CSPG4: variants seen among roughly 807,000 people sequenced by gnomAD.
CSPG4 encodes chondroitin sulfate proteoglycan 4 (melanoma-associated).
In CSPG4, 74 loss-of-function variants were observed where a neutral mutation model predicts 139.3. That is an observed-to-expected ratio of 0.53 (90% confidence interval 0.44 to 0.64). The LOEUF (loss-of-function observed/expected upper bound fraction) is 0.64. Among genes scored for constraint, CSPG4 ranks in the 30% least tolerant of loss-of-function variants. The pLI is 0.00. For missense variants in CSPG4, 2,565 were observed against 3,148.3 expected (o/e 0.81, Z 4.43); for synonymous variants, 1,234 against 1,394.2 (o/e 0.89, Z 2.56).
intron 1 of CSPG4, among the ~76,000 whole-genome samples, chr15:75,712,063 CAGG>C (rs1894453959): frequency 6.9e-6 from 1 of 144,956 alleles, no homozygotes; most frequent in Admixed American, 7.2e-5. Flanking sequence ...CTGTCACCAA[CAGG>C]AGGAGGGAGA....
In CSPG4 at chr15:75,690,646, AG is replaced by A. The variant is rs1212043883; in HGVS notation, c.418del (p.Leu140Ter). On this transcript the variant is annotated frameshift_variant, in exon 3 of 10. Transcript: ENST00000308508. LOFTEE classifies it high-confidence loss of function. Reference protein sequence around the residue: ...NASSAVPGAPLEVPYGLFVGG... With the variant: ...NASSAVPGAPXEVPYGLFVGG... ...AACAAAGAGCCCATAGGGGACCTCT[AG>A]GGGGGCTCCTGGGACTGCTGAGGAG... 6.2e-7 allele frequency: 1 copy of A among 1,611,878 alleles called. No individual in the cohort carries two copies. Among genetic ancestry groups the A allele is most frequent in the Middle Eastern group, 1.9e-4 (1 of 5,348 alleles).
Position 75,684,792 on chromosome 15 carries a change from T to C in CSPG4, c.4393A>G (p.Thr1465Ala). 6.2e-7 allele frequency: 1 copy of C among 1,613,608 alleles called. No homozygotes were observed. Among genetic ancestry groups the C allele is most frequent in the Non-Finnish European group, 8.5e-7 (1 of 1,179,864 alleles). Reference sequence around the variant, plus strand: ...GGTTGGTCATTGACAGGCAGGACAGTGACAGTGAAGGCCACAGGATGGCTC... The same window carrying C: ...GGTTGGTCATTGACAGGCAGGACAGCGACAGTGAAGGCCACAGGATGGCTC... ...RQSHPVAFTV[T>A]VLPVNDQPPI... The change falls in exon 5 of 10, where the codon ACT becomes GCT. Residue 1465 changes from threonine to alanine, a missense_variant. Physicochemically the swap from Thr to Ala is moderately conservative, Grantham distance 58. Transcript: ENST00000308508.
chr15:75,689,742 C>A lies in CSPG4; in HGVS notation c.1323G>T (p.Glu441Asp). 5 of 1,612,804 alleles carry A rather than the reference C, an allele frequency of 3.1e-6. No individual in the cohort carries two copies. Among genetic ancestry groups the A allele is most frequent in the Non-Finnish European group, 4.2e-6 (5 of 1,179,786 alleles). ...LLTISPLVVA[E>D]GGTAWLEWRH... is the part of the protein sequence containing the mutation. ...TCCACTCAAGCCAGGCTGTGCCCCC[C>A]TCGGCCACCACCAGTGGGCTGATAG... The change falls in exon 3 of 10, where the codon GAG (glutamate) becomes GAT (aspartate). Residue 441 changes from glutamate (E) to aspartate (D), a missense_variant. Coordinates refer to ENST00000308508, the MANE Select transcript of CSPG4 (RefSeq NM_001897.5).
intron 3 of CSPG4, among the ~76,000 whole-genome samples, 192 bp from the exon 4 acceptor site, chr15:75,685,893 T>G (rs920462909): frequency 5.3e-5 from 8 of 152,040 alleles, no homozygotes; most frequent in South Asian, 2.1e-4. Flanking sequence ...GCTGGTCACA[T>G]TTTTTGTTTT....
rs1398203141 is a variant in CSPG4 at position 75,703,452 on chromosome 15, G to C, written c.88+9216C>G. Among the ~76,000 whole-genome samples, 19 of 151,680 alleles carry C rather than the reference G, an allele frequency of 1.3e-4. 1 individual carries two copies. The highest frequency in any genetic ancestry group is 2.7e-4 in the Non-Finnish European group (18 of 67,824). On this transcript the variant is annotated intron_variant, in intron 1 of 9. Coordinates refer to ENST00000308508, the MANE Select transcript of CSPG4 (RefSeq NM_001897.5). ...CGTGGTCAGAGTCCGGGTGGAGCCGGTGAGGAGGGAGGAAGCAGGCGTCTC... is the reference window on the plus strand; with the variant it reads ...CGTGGTCAGAGTCCGGGTGGAGCCGCTGAGGAGGGAGGAAGCAGGCGTCTC...
rs1312604640 is a variant in CSPG4 at position 75,687,768 on chromosome 15, G to A, written c.3297C>T (p.Asp1099=). The change falls in exon 3 of 10, where the codon GAC becomes GAT. Residue 1099 remains aspartate, a synonymous_variant. Transcript: ENST00000308508. The surrounding 1 kb of genome is among the most constrained non-coding windows in gnomAD (Gnocchi z 5.4). ...ACACCTGCAGCTGGATCCAGCCACG[G>A]TCAGCCCCTGAGTGCACGAACAGTA... is the stretch of plus-strand genomic sequence containing the variant. ...RRVLFVHSGA[D]RGWIQLQVSD... is the part of the protein sequence containing the mutation. 1.9e-6 allele frequency: 3 copies of A among 1,612,954 alleles called. No individual in the cohort carries two copies. The highest frequency in any genetic ancestry group is 2.2e-5 in the South Asian group (2 of 91,080).
chr15:75,706,379 G>A (rs1028061667), intron 1 of CSPG4, among the ~76,000 whole-genome samples: 1 of 152,176 alleles, frequency 6.6e-6, no homozygotes, highest in Non-Finnish European at 1.5e-5. Context: ...GCAATACTGC[G>A]TGTGTGTGAG....
intron 1 of CSPG4, among the ~76,000 whole-genome samples, chr15:75,694,781 G>A (rs766791193): frequency 5.3e-5 from 8 of 152,256 alleles, no homozygotes; most frequent in Admixed American, 1.3e-4. Flanking sequence ...GACCATCTGC[G>A]CGGGGGCGGC....
intron 1 of CSPG4, among the ~76,000 whole-genome samples, chr15:75,699,890 G>T (rs963930460): frequency 2.0e-5 from 3 of 152,100 alleles, no homozygotes; most frequent in Admixed American, 6.5e-5. Flanking sequence ...GGCTCCATCC[G>T]TACCCTCCTT....
In CSPG4 at chr15:75,690,824, T is replaced by C. The variant is rs1198191196; in HGVS notation, c.253-12A>G. 1.3e-6 allele frequency: 2 copies of C among 1,595,134 alleles called. No homozygotes were observed. The highest frequency in any genetic ancestry group is 1.3e-5 in the African/African-American group (1 of 74,450). On this transcript the variant is annotated splice_polypyrimidine_tract_variant and intron_variant, in intron 2 of 9. Transcript: ENST00000308508. ...AGAACAAGTCTGACCTGAAGAGAGA[T>C]GGGGAGTGGGAGATAGTGGACAGCA...
In CSPG4 at chr15:75,674,497, C is replaced by G. The variant is rs1397688837; in HGVS notation, c.*1053G>C. ...CCCCAGGAGGTGGAAGTTCAGAGGC[C>G]TGCCTGGCCCTGTCCATCCCACTGG... is the stretch of plus-strand genomic sequence containing the variant. On this transcript the variant is annotated 3_prime_UTR_variant, in exon 10 of 10. Coordinates refer to ENST00000308508, the MANE Select transcript of CSPG4 (RefSeq NM_001897.5). 1.6e-5 allele frequency: 6 copies of G among 379,206 alleles called. No individual in the cohort carries two copies. The highest frequency in any genetic ancestry group is 3.7e-5 in the East Asian group (1 of 26,910). 23.5% of individuals were successfully genotyped at this position (379,206 alleles called of 1,614,324 possible).
chr15:75,703,451 G>T (rs1894330363), intron 1 of CSPG4, among the ~76,000 whole-genome samples: 2 of 151,630 alleles, frequency 1.3e-5, no homozygotes, highest in South Asian at 4.2e-4. Context: ...GGGTGGAGCC[G>T]GTGAGGAGGG....
chr15:75,712,916 C>G, upstream of CSPG4: 1 of 570,994 alleles, frequency 1.8e-6, no homozygotes, highest in Non-Finnish European at 3.0e-6. Flanking sequence ...CGCGCCCGCT[C>G]GGGTTTCAGG....
upstream of CSPG4, among the ~76,000 whole-genome samples, chr15:75,713,408 A>T (rs1345764191): frequency 2.6e-5 from 4 of 152,128 alleles, no homozygotes; most frequent in East Asian, 7.7e-4. Context: ...TAAGGGAGAG[A>T]TGTCTGGATT....
intron 8 of CSPG4, chr15:75,678,440 C>A (rs1005836893): frequency 2.8e-6 from 1 of 351,110 alleles, no homozygotes; most frequent in Non-Finnish European, 5.7e-6. Flanking sequence ...GCAGCCTCGA[C>A]CTCCAGGGCT....
rs1340029571 is a variant in CSPG4 at position 75,676,722 on chromosome 15, G to C, written c.5797C>G (p.Leu1933Val). Residue 1933 changes from leucine (L) to valine (V), a missense_variant, in exon 10 of 10, where the codon CTG (leucine) becomes GTG (valine). Around this residue, in one of 5 missense-constraint regions of CSPG4, gnomAD observed 2,316 missense variants for 2,818.2 expected, o/e 0.82. Transcript: ENST00000308508. Reference protein sequence around the residue: ...DGASPPLPMSLAVDILPSAIE... With the variant: ...DGASPPLPMSVAVDILPSAIE... ...GCGGATGGTAGGATGTCCACAGCCA[G>C]GGACATGGGCAGGGGTGGGCTGGCC... 1.3e-6 allele frequency: 2 copies of C among 1,585,758 alleles called. No homozygotes were observed. The highest frequency in any genetic ancestry group is 1.3e-5 in the African/African-American group (1 of 74,416).
rs529993656 is a variant in CSPG4 at position 75,676,536 on chromosome 15, G to T, written c.5983C>A (p.Arg1995=). 1.2e-6 allele frequency: 2 copies of T among 1,613,704 alleles called. No homozygotes were observed. Among genetic ancestry groups the T allele is most frequent in the South Asian group, 1.1e-5 (1 of 91,082 alleles). ...PQYGHLLVGG[R]PTSAFSQFQI... is the part of the protein sequence containing the mutation. Reference sequence around the variant, plus strand: ...AATTGGCTGAAGGCCGAGGTGGGCCGCCCGCCCACCAGGAGATGCCCATAC... The same window carrying T: ...AATTGGCTGAAGGCCGAGGTGGGCCTCCCGCCCACCAGGAGATGCCCATAC... The change falls in exon 10 of 10, where the codon CGG becomes AGG. Residue 1995 remains arginine (R), a synonymous_variant. Coordinates refer to ENST00000308508, the MANE Select transcript of CSPG4 (RefSeq NM_001897.5).
intron 5 of CSPG4, 152 bp downstream of exon 5, chr15:75,684,584 C>T: frequency 1.4e-6 from 1 of 702,628 alleles, no homozygotes; most frequent in Non-Finnish European, 2.3e-6. Flanking sequence ...CACTTCTCTC[C>T]TTCCAACAAC....
intron 1 of CSPG4, among the ~76,000 whole-genome samples, chr15:75,711,954 C>T (rs1894452272): frequency 6.6e-6 from 1 of 151,522 alleles, no homozygotes; most frequent in Admixed American, 6.6e-5. Context: ...GGAGGTGTGG[C>T]AGGGGGTGGT....
Sources: gnomAD v4.1 joint callset for allele counts (sites outside exome capture counted in the v4.1 genomes callset) on GRCh38, gnomAD v4.1.1 for gene constraint, gnomAD v4.1.1 regional missense constraint, Gnocchi (gnomAD v3.1) non-coding constraint, MANE v1.5 for transcripts, NCBI Gene and HGNC (gene_info 2026-07-23, HGNC 2026-07-21) for gene names.